The following MLLT3 variants were observed in gnomAD, a reference collection of about 807,000 sequenced individuals.
MLLT3 encodes the protein MLLT3 super elongation complex subunit, also known as protein AF-9.
A neutral mutation model predicts 53.2 loss-of-function variants in MLLT3; 4 were observed. That is an observed-to-expected ratio of 0.08 (90% CI 0.04 to 0.17). The LOEUF (loss-of-function observed/expected upper bound fraction) is 0.17. MLLT3 is among the 10% of genes least tolerant of loss of function. MLLT3 has a pLI of 1.00. For missense variants in MLLT3, 569 were observed against 684.0 expected (o/e 0.83, Z 1.87); for synonymous variants, 283 against 230.6 (o/e 1.23, Z -2.06).
intron 8 of MLLT3, among the ~76,000 whole-genome samples, chr9:20,357,034 T>C (rs954989748): frequency 2.0e-5 from 3 of 152,194 alleles, no homozygotes; most frequent in East Asian, 3.8e-4. Flanking sequence ...CTGAAGACAA[T>C]TGTTTTATTT....
At chr9:20,383,099 C>A (rs1358646951) in intron 5 of MLLT3, among the ~76,000 whole-genome samples, 2 of 151,742 alleles carry the variant, frequency 1.3e-5, no homozygotes, top group Admixed American at 6.6e-5. Context: ...AAGTGAGAAA[C>A]AAGAGAAAAC....
chr9:20,414,366 G>GCTGCTGCTGCTA lies in MLLT3; in HGVS notation c.468_479dup (p.Ser187_Ser190dup). ...TGCTACTGCTGCTGCTGCTGCTGCT[G>GCTGCTGCTGCTA]CTGCTGCTGCTACTGCTGCTGCTGC... On this transcript the variant is annotated inframe_insertion, in exon 5 of 11. Transcript: ENST00000380338. 1 of 1,603,410 alleles carries GCTGCTGCTGCTA rather than the reference G, an allele frequency of 6.2e-7. No individual in the cohort carries two copies. Among genetic ancestry groups the GCTGCTGCTGCTA allele is most frequent in the Non-Finnish European group, 8.5e-7 (1 of 1,177,378 alleles).
chr9:20,352,368 T>C (rs990997728), intron 10 of MLLT3, among the ~76,000 whole-genome samples: 1 of 152,182 alleles, frequency 6.6e-6, no homozygotes, highest in African/African-American at 2.4e-5. Flanking sequence ...GCAATCAGCA[T>C]TATGCCAGCC....
chr9:20,553,232 T>C (rs1462227249), intron 2 of MLLT3, among the ~76,000 whole-genome samples: 1 of 152,208 alleles, frequency 6.6e-6, no homozygotes, highest in African/African-American at 2.4e-5. Context: ...CGACACTAAA[T>C]GTAACTGTAG....
chr9:20,359,005 C>T (rs374937767), intron 8 of MLLT3, among the ~76,000 whole-genome samples: 3 of 151,904 alleles, frequency 2.0e-5, no homozygotes. Flanking sequence ...ATTAGCTGGG[C>T]GTGGTGGCAT....
chr9:20,527,780 A>G (rs895993418), intron 2 of MLLT3, among the ~76,000 whole-genome samples: 1 of 152,246 alleles, frequency 6.6e-6, no homozygotes, highest in Non-Finnish European at 1.5e-5. Context: ...TTGAATATCC[A>G]AGAGTCAAAC....
At chr9:20,474,896 T>G (rs1824482964) in intron 2 of MLLT3, among the ~76,000 whole-genome samples, 1 of 152,084 alleles carries the variant, frequency 6.6e-6, no homozygotes, top group Non-Finnish European at 1.5e-5. Flanking sequence ...AAGGGAGTAG[T>G]GTTCTAAATA....
intron 5 of MLLT3, among the ~76,000 whole-genome samples, chr9:20,375,894 C>T (rs1428649441): frequency 2.0e-5 from 3 of 152,116 alleles, no homozygotes; most frequent in African/African-American, 7.2e-5. Flanking sequence ...AGGCCTGAGC[C>T]ACCGCGCCCG....
At chr9:20,545,890 C>T (rs761183914) in intron 2 of MLLT3, among the ~76,000 whole-genome samples, 18 of 149,448 alleles carry the variant, frequency 1.2e-4, no homozygotes, top group Non-Finnish European at 2.5e-4. Context: ...TAAAAATTAG[C>T]ATCTCCAGTC....
chr9:20,403,927 T>C (rs1822518186), intron 5 of MLLT3, among the ~76,000 whole-genome samples: 1 of 152,108 alleles, frequency 6.6e-6, no homozygotes, highest in Non-Finnish European at 1.5e-5. Flanking sequence ...CAGATGATTG[T>C]CCCACCTCAG....
At chr9:20,509,019 T>C (rs990032121) in intron 2 of MLLT3, among the ~76,000 whole-genome samples, 1 of 152,228 alleles carries the variant, frequency 6.6e-6, no homozygotes, top group East Asian at 1.9e-4. Context: ...TGTACATCAG[T>C]GGGAATCAGA....
intron 4 of MLLT3, 84 bp from the exon 5 acceptor site, chr9:20,414,509 C>A: frequency 6.4e-7 from 1 of 1,566,688 alleles, no homozygotes; most frequent in Non-Finnish European, 8.6e-7. Flanking sequence ...AATGATCCTT[C>A]TTTGATTCCT....
Position 20,448,328 on chromosome 9 carries a change from G to T in MLLT3, c.277-62C>A. 6.6e-7 allele frequency: 1 copy of T among 1,523,466 alleles called. No individual in the cohort carries two copies. 94.4% of individuals were successfully genotyped at this position (1,523,466 alleles called of 1,614,324 possible). The stretch of plus-strand genomic sequence containing the variant: ...GTGAGGCATAAGTGAAATTTTAAAA[G>T]CAAAAATTTACTCCTCATAAGAAAT... On this transcript the variant is annotated intron_variant, in intron 3 of 10. Coordinates refer to ENST00000380338, the MANE Select transcript of MLLT3 (RefSeq NM_004529.4). This position sits in a 1 kb window ranked among gnomAD's most constrained non-coding sequence, Gnocchi z 4.0.
chr9:20,343,184 A>C lies in MLLT3; in HGVS notation c.*3259T>G, dbSNP rs960079209. ...AGGTGGGCCTGTAAAAGATATCGGCAAAAAAAAAAAAAAAAAAAAAAAAAA... is the reference window on the plus strand; with the variant it reads ...AGGTGGGCCTGTAAAAGATATCGGCCAAAAAAAAAAAAAAAAAAAAAAAAA... On this transcript the variant is annotated 3_prime_UTR_variant, in exon 11 of 11. Transcript: ENST00000380338. 4.8e-5 allele frequency: 2 copies of C among 41,736 alleles called. No homozygotes were observed. Among genetic ancestry groups the C allele is most frequent in the East Asian group, 1.0e-3 (1 of 990 alleles). The allele number at this position is 41,736 out of a possible 1,614,324, so 2.6% of individuals were successfully genotyped here. A position where few individuals can be genotyped will look rare whatever the true frequency, so the allele number is the denominator to read the frequency against.
rs142178265 is a variant in MLLT3, at chr9:20,413,965, G to A, written c.881C>T (p.Ser294Leu). Residue 294 changes from serine (S) to leucine (L), a missense_variant, in exon 5 of 11, where the codon TCA becomes TTA. Ser to Leu is a moderately radical substitution (Grantham distance 145). Transcript: ENST00000380338. ...RPPISDSEEL[S>L]AKKRKKSSSE... is the part of the protein sequence containing the mutation. The stretch of plus-strand genomic sequence containing the variant: ...GCTACTCTTTTTCCTTTTTTTGGCT[G>A]AGAGTTCTTCAGAATCTGAAATGGG... 13 of 1,613,264 alleles carry A rather than the reference G, an allele frequency of 8.1e-6. No individual in the cohort carries two copies. The highest frequency in any genetic ancestry group is 8.0e-5 in the African/African-American group (6 of 74,764).
chr9:20,546,545 TAAAA>T (rs34702803), intron 2 of MLLT3, among the ~76,000 whole-genome samples: 2 of 145,392 alleles, frequency 1.4e-5, no homozygotes, highest in Non-Finnish European at 3.0e-5. Flanking sequence ...ACCTATCACT[TAAAA>T]AAAAAAAAAA....
At chr9:20,403,936 A>G (rs937891763) in intron 5 of MLLT3, among the ~76,000 whole-genome samples, 2 of 152,104 alleles carry the variant, frequency 1.3e-5, no homozygotes, top group Non-Finnish European at 2.9e-5. Context: ...GTCCCACCTC[A>G]GCCTCCCAAG....
At chr9:20,455,620 G>C (rs1409153741) in intron 3 of MLLT3, among the ~76,000 whole-genome samples, 5 of 151,954 alleles carry the variant, frequency 3.3e-5, no homozygotes, top group African/African-American at 1.2e-4. Flanking sequence ...CATTCTATTT[G>C]CGTAGTTCCT....
At chr9:20,604,149 T>C (rs1820506747) in intron 2 of MLLT3, among the ~76,000 whole-genome samples, 1 of 152,050 alleles carries the variant, frequency 6.6e-6, no homozygotes, top group African/African-American at 2.4e-5. Flanking sequence ...TTTAAATCTA[T>C]AGCAATAACG....
Sources: gnomAD v4.1 joint callset for allele counts (sites outside exome capture counted in the v4.1 genomes callset) on GRCh38, gnomAD v4.1.1 for gene constraint, Gnocchi (gnomAD v3.1) non-coding constraint, MANE v1.5 for transcripts, NCBI Gene and HGNC (gene_info 2026-07-23, HGNC 2026-07-21) for gene names.